The following AUP1 variants were observed in gnomAD, a reference collection of about 807,000 sequenced individuals.
The protein encoded by AUP1 is lipid droplet-regulating VLDL assembly factor AUP1.
Under a neutral mutation model 51.8 loss-of-function variants are expected in AUP1, and 30 were observed. The ratio of observed to expected loss-of-function variants is 0.58; its 90% CI spans 0.43 to 0.79. The LOEUF (loss-of-function observed/expected upper bound fraction) is 0.79, where lower values mean the gene tolerates loss of function less well. Among genes scored for constraint, AUP1 ranks in the 30% least tolerant of loss-of-function variants. AUP1 has a pLI of 0.00. For missense variants in AUP1, 492 were observed against 517.1 expected (o/e 0.95, Z 0.47); for synonymous variants, 227 against 209.0 (o/e 1.09, Z -0.74).
intron 10 of AUP1, 57 bp downstream of exon 10, chr2:74,527,191 C>T (rs532720994): frequency 2.7e-5 from 43 of 1,599,650 alleles, no homozygotes; most frequent in East Asian, 9.0e-5. Flanking sequence ...TAAGGGAGTA[C>T]ATAGCCTGCC....
Position 74,529,123 on chromosome 2 carries a change from C to G in AUP1, c.339+9G>C, listed in dbSNP as rs1157986987. The stretch of plus-strand genomic sequence containing the variant: ...GCCCCGTGGCGCTCTCGGCCTCGCT[C>G]TCACTCACGGTGCTACAGGTGGTAA... On this transcript the variant is annotated intron_variant, in intron 3 of 11. Transcript: ENST00000377526. The G allele has an allele frequency of 6.2e-7, 1 of 1,614,230 alleles. No homozygotes were observed.
chr2:74,527,128 T>C (rs1675223395), intron 10 of AUP1, 69 bp from the exon 11 acceptor site: 4 of 1,612,076 alleles, frequency 2.5e-6, no homozygotes, highest in Non-Finnish European at 3.4e-6. Context: ...ATGCCTACTT[T>C]GCAAGAGAGG....
rs1191104840 is a variant in AUP1, at chr2:74,527,287, G to A, written c.1038C>T (p.Thr346=). 6.2e-7 allele frequency: 1 copy of A among 1,613,952 alleles called. No individual in the cohort carries two copies. The highest frequency in any genetic ancestry group is 8.5e-7 in the Non-Finnish European group (1 of 1,180,006). The change falls in exon 10 of 12, where the codon ACC becomes ACT. Residue 346 remains threonine (T), a synonymous_variant. Transcript: ENST00000377526. ...CTGTGGGTAGGGACTGAGTTCCCTT[G>A]GTGATGTCTTCAGGCATGAAAGCTA... The part of the protein sequence containing the change: ...GAVAFMPEDI[T]KGTQSLPTAS...
chr2:74,529,018 G>T lies in AUP1; in HGVS notation c.340-83C>A, dbSNP rs752433351. 6.2e-6 allele frequency: 10 copies of T among 1,604,488 alleles called. No homozygotes were observed. The African/African-American group carries it at 1.2e-4, about 19-fold the overall frequency. On this transcript the variant is annotated intron_variant, in intron 3 of 11. Coordinates refer to ENST00000377526, the MANE Select transcript of AUP1 (RefSeq NM_181575.5). ...AACTGACATGTTGGGTAGAGGATCG[G>T]GGTTAGGGGTAAGGCTCAGTATCCT...
rs375863861 is a variant in AUP1, at chr2:74,526,857, T to C, written c.1197-21A>G. ...ATCTCCTGTGGGACATAGGGAGAGA[T>C]ATTATTCAGGCTTTGCCGTAGTAGC... On this transcript the variant is annotated intron_variant, in intron 11 of 11. Transcript: ENST00000377526. The C allele has an allele frequency of 3.2e-6, 5 of 1,587,204 alleles. No homozygotes were observed. In the African/African-American group the frequency reaches 6.7e-5, roughly 21 times the overall value.
At position 74,528,930 on chromosome 2, in the gene AUP1, T is replaced by G. The variant is rs1675348357; in HGVS notation, c.345A>C (p.Leu115=). ...VNLLTTCSTP[L]LNSPPSFVCW... ...ACACAAAGCTGGGGGGACTATTGAGTAGAGGCTGGGAACCAGGAGAAGAGA... is the reference window on the plus strand; with the variant it reads ...ACACAAAGCTGGGGGGACTATTGAGGAGAGGCTGGGAACCAGGAGAAGAGA... Residue 115 remains leucine, a synonymous_variant, in exon 4 of 12, where the codon CTA becomes CTC. Coordinates refer to ENST00000377526, the MANE Select transcript of AUP1 (RefSeq NM_181575.5). 1 of 1,609,874 alleles carries G rather than the reference T, an allele frequency of 6.2e-7. No homozygotes were observed. Among genetic ancestry groups the G allele is most frequent in the African/African-American group, 1.4e-5 (1 of 73,310 alleles).
rs1424135217 is a variant in AUP1, at chr2:74,527,491, C to G, written c.941G>C (p.Gly314Ala). The change falls in exon 9 of 12, where the codon GGT becomes GCT. Residue 314 changes from glycine to alanine, a missense_variant. Transcript: ENST00000377526. The part of the protein sequence containing the change: ...VKEVLPHVPL[G>A]VIQRDLAKTG... Reference sequence around the variant, plus strand: ...CATACCCAGGTCTCTCTGGATGACACCCAATGGCACATGGGGCAAAACTTC... The same window carrying G: ...CATACCCAGGTCTCTCTGGATGACAGCCAATGGCACATGGGGCAAAACTTC... The G allele has an allele frequency of 6.2e-7, 1 of 1,613,394 alleles. No individual in the cohort carries two copies. Among genetic ancestry groups the G allele is most frequent in the Non-Finnish European group, 8.5e-7 (1 of 1,179,730 alleles).
chr2:74,528,089 T>G (rs934773091), intron 6 of AUP1, 83 bp from the exon 7 acceptor site: 1 of 1,537,858 alleles, frequency 6.5e-7, no homozygotes, highest in East Asian at 2.2e-5. Context: ...CCTCTTTGCA[T>G]GGTGGGTGGG....
In AUP1 at chr2:74,529,245, C is replaced by G; in HGVS notation, c.226G>C (p.Val76Leu). The change falls in exon 3 of 12, where the codon GTG becomes CTG. Residue 76 changes from valine (V) to leucine (L), a missense_variant. Val to Leu is a conservative substitution (Grantham distance 32). Coordinates refer to ENST00000377526, the MANE Select transcript of AUP1 (RefSeq NM_181575.5). ...VRTMCAVLGL[V>L]ARQEDSGLRD... is the part of the protein sequence containing the mutation. Reference sequence around the variant, plus strand: ...AGTCCGGAGTCCTCCTGCCGGGCCACGAGCCCTAGCACCGCACACATGGTC... The same window carrying G: ...AGTCCGGAGTCCTCCTGCCGGGCCAGGAGCCCTAGCACCGCACACATGGTC... 6.2e-7 allele frequency: 1 copy of G among 1,614,216 alleles called. No individual in the cohort carries two copies. Among genetic ancestry groups the G allele is most frequent in the Non-Finnish European group, 8.5e-7 (1 of 1,180,034 alleles).
In AUP1 at chr2:74,527,211, C is replaced by T. The variant is rs560040809; in HGVS notation, c.1077+37G>A. 7.0e-5 allele frequency: 113 copies of T among 1,606,068 alleles called. No individual in the cohort carries two copies. The South Asian group carries it at 1.2e-3, about 17-fold the overall frequency. Reference sequence around the variant, plus strand: ...GAGTACATAGCCTGCCCCCAACTCACCCCAACACTTGGATCTGACCATTTC... The same window carrying T: ...GAGTACATAGCCTGCCCCCAACTCATCCCAACACTTGGATCTGACCATTTC... On this transcript the variant is annotated intron_variant, in intron 10 of 11. Transcript: ENST00000377526.
chr2:74,527,120 G>A (rs1200059837), intron 10 of AUP1, 61 bp from the exon 11 acceptor site: 28 of 1,612,766 alleles, frequency 1.7e-5, no homozygotes, highest in Non-Finnish European at 2.3e-5. Flanking sequence ...CGCATCGAAT[G>A]CCTACTTTGC....
Position 74,526,921 on chromosome 2 carries a change from T to C in AUP1, c.1196+20A>G, listed in dbSNP as rs774855802. 5 of 1,612,514 alleles carry C rather than the reference T, an allele frequency of 3.1e-6. No individual in the cohort carries two copies. Among genetic ancestry groups the C allele is most frequent in the Non-Finnish European group, 4.2e-6 (5 of 1,178,568 alleles). ...TCTCCAATTTGCCACATCCTATTAA[T>C]TGTCCTCTAACCCCCTCACCTTCTT... On this transcript the variant is annotated intron_variant, in intron 11 of 11. Coordinates refer to ENST00000377526, the MANE Select transcript of AUP1 (RefSeq NM_181575.5).
chr2:74,529,123 C>A lies in AUP1; in HGVS notation c.339+9G>T, dbSNP rs1157986987. 2 of 1,614,112 alleles carry A rather than the reference C, an allele frequency of 1.2e-6. No individual in the cohort carries two copies. The highest frequency in any genetic ancestry group is 1.7e-6 in the Non-Finnish European group (2 of 1,180,040). On this transcript the variant is annotated intron_variant, in intron 3 of 11. Transcript: ENST00000377526. ...GCCCCGTGGCGCTCTCGGCCTCGCT[C>A]TCACTCACGGTGCTACAGGTGGTAA...
chr2:74,526,698 C>T lies in AUP1; in HGVS notation c.*102G>A. On this transcript the variant is annotated 3_prime_UTR_variant, in exon 12 of 12. Coordinates refer to ENST00000377526, the MANE Select transcript of AUP1 (RefSeq NM_181575.5). ...AATGTGACATTGGGGGAGCCTCATCCTTCCCTTTTTACCACCCACCCATCC... is the reference window on the plus strand; with the variant it reads ...AATGTGACATTGGGGGAGCCTCATCTTTCCCTTTTTACCACCCACCCATCC... The T allele has an allele frequency of 2.2e-6, 3 of 1,352,314 alleles. No homozygotes were observed. Among genetic ancestry groups the T allele is most frequent in the South Asian group, 1.5e-5 (1 of 66,064 alleles). 83.8% of individuals were successfully genotyped at this position (1,352,314 alleles called of 1,614,324 possible). A position where few individuals can be genotyped will look rare whatever the true frequency, so the allele number is the denominator to read the frequency against.
At chr2:74,527,627 G>T in intron 8 of AUP1, 37 bp from the exon 9 acceptor site, 3 of 1,590,382 alleles carry the variant, frequency 1.9e-6, no homozygotes, top group Non-Finnish European at 2.6e-6. Context: ...AGAAATTCTG[G>T]TAAGTAGAGA....
In AUP1 at chr2:74,529,495, G is replaced by A. The variant is rs551674975; in HGVS notation, c.55C>T (p.Pro19Ser). ...PERLFDSHRL[P>S]GDCFLLLVLL... ...ACGAGCAGTAGGAAGCAGTCACCCG[G>A]AAGCCTGGGGGCGAGAGGCGAAGTG... The change falls in exon 2 of 12, where the codon CCG becomes TCG. Residue 19 changes from proline to serine, a missense_variant. Coordinates refer to ENST00000377526, the MANE Select transcript of AUP1 (RefSeq NM_181575.5). 1.2e-5 allele frequency: 18 copies of A among 1,552,626 alleles called. No homozygotes were observed. Among genetic ancestry groups the A allele is most frequent in the South Asian group, 3.5e-5 (3 of 84,634 alleles).
chr2:74,527,507 G>T lies in AUP1; in HGVS notation c.925C>A (p.Pro309Thr), dbSNP rs1232358191. 6.2e-7 allele frequency: 1 copy of T among 1,613,930 alleles called. No individual in the cohort carries two copies. The highest frequency in any genetic ancestry group is 8.5e-7 in the Non-Finnish European group (1 of 1,179,944). Residue 309 changes from proline (P) to threonine (T), a missense_variant, in exon 9 of 12, where the codon CCC becomes ACC. Coordinates refer to ENST00000377526, the MANE Select transcript of AUP1 (RefSeq NM_181575.5). ...TGGATGACACCCAATGGCACATGGG[G>T]CAAAACTTCCTTGACTCTCTGAGCC... ...TLAQRVKEVLPHVPLGVIQRD... is the reference protein window; with the variant it reads ...TLAQRVKEVLTHVPLGVIQRD...
In AUP1 at chr2:74,526,945, TTGCGTATTCATATAG is replaced by T; in HGVS notation, c.1177_1191del (p.Leu393_Ala397del). 6.2e-7 allele frequency: 1 copy of T among 1,614,032 alleles called. No homozygotes were observed. Among genetic ancestry groups the T allele is most frequent in the Non-Finnish European group, 8.5e-7 (1 of 1,179,888 alleles). On this transcript the variant is annotated inframe_deletion, in exon 11 of 12. Coordinates refer to ENST00000377526, the MANE Select transcript of AUP1 (RefSeq NM_181575.5). The stretch of plus-strand genomic sequence containing the variant: ...ATTGTCCTCTAACCCCCTCACCTTC[TTGCGTATTCATATAG>T]TGCTTGCTTGCGCTCCTGCAGGCTC...
At position 74,528,816 on chromosome 2, in the gene AUP1, G is replaced by C. The variant is rs373432217; in HGVS notation, c.459C>G (p.Pro153=). The C allele has an allele frequency of 3.3e-5, 54 of 1,614,010 alleles. 1 individual carries two copies. The South Asian group carries it at 4.2e-4, about 12-fold the overall frequency. Residue 153 remains proline, a synonymous_variant, in exon 4 of 12, where the codon CCC becomes CCG. Transcript: ENST00000377526. ...KRFCASTRLP[P]TPLLLFPEEE... ...CCTCAGGGAATAGCAGCAGAGGAGT[G>C]GGGGGAAGCCTCGTGGAAGCACAGA...
Sources: gnomAD v4.1 joint callset for allele counts on GRCh38, gnomAD v4.1.1 for gene constraint, MANE v1.5 for transcripts, NCBI Gene and HGNC (gene_info 2026-07-23, HGNC 2026-07-21) for gene names.